Variants in ARSB observed in about 807,000 individuals in gnomAD.
ARSB encodes the protein arylsulfatase B.
A neutral mutation model predicts 50.9 loss-of-function variants in ARSB; 41 were observed. That is an observed-to-expected ratio of 0.81 (90% CI 0.63 to 1.04). The LOEUF (loss-of-function observed/expected upper bound fraction) is 1.04, where lower values mean the gene tolerates loss of function less well. Among genes scored for constraint, ARSB ranks in the 50% least tolerant of loss-of-function variants. The probability of loss-of-function intolerance (pLI) is 0.00; values close to 1 mark genes in which losing one functional copy is unlikely to be tolerated. For missense variants in ARSB, 672 were observed against 693.3 expected, an observed-to-expected ratio of 0.97 and a Z score of 0.35; for synonymous variants, 269 against 284.8, an observed-to-expected ratio of 0.94 and a Z score of 0.56.
chr5:78,792,568 C>T (rs1227064091), intron 6 of ARSB, among the ~76,000 whole-genome samples: 1 of 152,092 alleles, frequency 6.6e-6, no homozygotes, highest in Non-Finnish European at 1.5e-5. Context: ...GTCATTTAAC[C>T]ACTCTGAGTT....
chr5:78,860,492 A>G (rs886420635), intron 5 of ARSB, among the ~76,000 whole-genome samples: 3 of 148,974 alleles, frequency 2.0e-5, no homozygotes, highest in Admixed American at 2.0e-4. Context: ...AAACTGAACA[A>G]CCTAATCCTG....
Position 78,780,036 on chromosome 5 carries a change from T to C in ARSB, c.*361A>G, listed in dbSNP as rs1748878729. ...TGATTCACTCCAATAAAACTGGCTA[T>C]TGGCAGAGGGGAATCGAACGTCTGA... On this transcript the variant is annotated 3_prime_UTR_variant, in exon 8 of 8. Coordinates refer to ENST00000264914, the MANE Select transcript of ARSB (RefSeq NM_000046.5). The C allele has an allele frequency of 3.3e-6, 1 of 303,290 alleles. No individual in the cohort carries two copies. The highest frequency in any genetic ancestry group is 3.5e-5 in the South Asian group (1 of 28,768). The allele number at this position is 303,290 out of a possible 1,614,324, so 18.8% of individuals were successfully genotyped here. A position where few individuals can be genotyped will look rare whatever the true frequency, so the allele number is the denominator to read the frequency against.
At chr5:78,941,261 T>C (rs928563894) in intron 4 of ARSB, among the ~76,000 whole-genome samples, 5 of 151,300 alleles carry the variant, frequency 3.3e-5, no homozygotes, top group Admixed American at 6.6e-5. Context: ...CTTTTCCTAA[T>C]TGAATGCCCT....
intron 6 of ARSB, among the ~76,000 whole-genome samples, chr5:78,825,266 T>G (rs886976906): frequency 6.6e-6 from 1 of 152,250 alleles, no homozygotes; most frequent in Non-Finnish European, 1.5e-5. Context: ...AGTTCTTAGC[T>G]TTTCTTACAT....
chr5:78,984,901 G>GGCGGGGGCGGC, intron 1 of ARSB, 36 bp downstream of exon 1: 1 of 1,290,406 alleles, frequency 7.7e-7, no homozygotes, highest in Non-Finnish European at 9.8e-7. Context: ...CGAAAGGCGG[G>GGCGGGGGCGGC]GCGGGGGCGG....
At chr5:78,865,019 T>C (rs916112789) in intron 5 of ARSB, among the ~76,000 whole-genome samples, 6 of 152,198 alleles carry the variant, frequency 3.9e-5, no homozygotes, top group East Asian at 3.8e-4. Context: ...GCATTGAGTG[T>C]CTGTGGCTTT....
intron 4 of ARSB, among the ~76,000 whole-genome samples, chr5:78,940,989 A>G (rs1296029093): frequency 1.3e-5 from 2 of 151,778 alleles, no homozygotes; most frequent in African/African-American, 4.8e-5. Flanking sequence ...CTCCTTGAAG[A>G]GGTCCTTCAC....
intron 6 of ARSB, among the ~76,000 whole-genome samples, chr5:78,810,556 C>T (rs1026918095): frequency 3.9e-5 from 6 of 152,204 alleles, no homozygotes; most frequent in African/African-American, 1.4e-4. Flanking sequence ...CATGAGAGCT[C>T]GTTTTCTGGG....
At chr5:78,857,497 A>ATC (rs1222910058) in intron 5 of ARSB, among the ~76,000 whole-genome samples, 1 of 152,216 alleles carries the variant, frequency 6.6e-6, no homozygotes, top group Non-Finnish European at 1.5e-5. Flanking sequence ...GGTGTTAATG[A>ATC]TAAACGGGTT....
At chr5:78,961,559 C>A (rs560212607) in intron 3 of ARSB, among the ~76,000 whole-genome samples, 1 of 152,232 alleles carries the variant, frequency 6.6e-6, no homozygotes, top group South Asian at 2.1e-4. Flanking sequence ...TCCGTGTTTT[C>A]CCCACCACCC....
At chr5:78,890,104 A>T (rs1349224070) in intron 4 of ARSB, among the ~76,000 whole-genome samples, 1 of 152,106 alleles carries the variant, frequency 6.6e-6, no homozygotes, top group Admixed American at 6.5e-5. Flanking sequence ...TTTTTTTTTA[A>T]ATTACTGAGA....
chr5:78,910,279 T>C (rs1007653054), intron 4 of ARSB, among the ~76,000 whole-genome samples: 3 of 152,226 alleles, frequency 2.0e-5, no homozygotes, highest in African/African-American at 7.2e-5. Context: ...CTCTATACTT[T>C]GTCTCTGTGT....
chr5:78,828,108 T>C (rs2112688948), intron 6 of ARSB, among the ~76,000 whole-genome samples: 1 of 152,284 alleles, frequency 6.6e-6, no homozygotes, highest in Middle Eastern at 3.4e-3. Flanking sequence ...ATCGATATCA[T>C]ACTGAACGGT....
At chr5:78,830,748 T>C (rs1179139195) in intron 6 of ARSB, among the ~76,000 whole-genome samples, 6 of 152,072 alleles carry the variant, frequency 3.9e-5, no homozygotes, top group African/African-American at 9.7e-5. Flanking sequence ...CCTTTGAAAA[T>C]TAAAAAGGAG....
At chr5:78,931,489 T>C (rs997868242) in intron 4 of ARSB, among the ~76,000 whole-genome samples, 1 of 152,128 alleles carries the variant, frequency 6.6e-6, no homozygotes, top group Non-Finnish European at 1.5e-5. Context: ...TGCCCCCATC[T>C]TCCTCCAGCT....
chr5:78,801,551 C>T (rs1372651361), intron 6 of ARSB, among the ~76,000 whole-genome samples: 1 of 152,208 alleles, frequency 6.6e-6, no homozygotes, highest in Non-Finnish European at 1.5e-5. Context: ...GGTGCACTCT[C>T]ACTCACACTC....
At chr5:78,881,455 A>G (rs553978080) in intron 5 of ARSB, among the ~76,000 whole-genome samples, 1 of 152,292 alleles carries the variant, frequency 6.6e-6, no homozygotes, top group African/African-American at 2.4e-5. Context: ...CAAGAAATAC[A>G]ACAATCCAAA....
intron 4 of ARSB, among the ~76,000 whole-genome samples, chr5:78,915,137 C>A (rs1561499312): frequency 1.3e-5 from 2 of 152,182 alleles, no homozygotes; most frequent in Non-Finnish European, 2.9e-5. Context: ...TCAAACAAAT[C>A]TGGTTTTCAC....
At chr5:78,824,758 G>A (rs750521146) in intron 6 of ARSB, among the ~76,000 whole-genome samples, 1 of 152,212 alleles carries the variant, frequency 6.6e-6, no homozygotes, top group Non-Finnish European at 1.5e-5. Flanking sequence ...ACTGCTGAGA[G>A]AGACAGTAGC....
Sources: allele counts gnomAD v4.1 joint callset (sites outside exome capture counted in the v4.1 genomes callset), GRCh38; gene constraint gnomAD v4.1.1; transcripts MANE v1.5; gene names NCBI Gene and HGNC (gene_info 2026-07-23, HGNC 2026-07-21).